The following PPM1H variants were observed in gnomAD, a reference collection of about 807,000 sequenced individuals.
The protein encoded by PPM1H is protein phosphatase 1H.
Under a neutral mutation model 54.9 loss-of-function variants are expected in PPM1H, and 27 were observed. That is an observed-to-expected ratio of 0.49 (90% CI 0.36 to 0.68). The LOEUF is 0.68. Ranked by LOEUF, PPM1H falls within the 30% of genes least tolerant of loss-of-function variation. The probability of loss-of-function intolerance (pLI) is 0.00; values close to 1 mark genes in which losing one functional copy is unlikely to be tolerated. For synonymous variants in PPM1H, 305 were observed against 270.8 expected (o/e 1.13, Z -1.24); for missense variants, 596 against 667.8 (o/e 0.89, Z 1.19).
intron 1 of PPM1H, among the ~76,000 whole-genome samples, chr12:62,913,342 G>C (rs1565827416): frequency 6.6e-6 from 1 of 152,156 alleles, no homozygotes; most frequent in East Asian, 1.9e-4. Context: ...GGATGTGGAA[G>C]ATGCGCACAT....
At chr12:62,670,674 T>C (rs532883122) in intron 8 of PPM1H, among the ~76,000 whole-genome samples, 2 of 152,316 alleles carry the variant, frequency 1.3e-5, no homozygotes, top group African/African-American at 4.8e-5. Context: ...CATCAATAAA[T>C]GTAATCTTTC....
intron 3 of PPM1H, among the ~76,000 whole-genome samples, chr12:62,792,370 A>C (rs2076705575): frequency 6.6e-6 from 1 of 152,170 alleles, no homozygotes; most frequent in Admixed American, 6.5e-5. Flanking sequence ...GTTCAGCTAC[A>C]TTCCCTCTGT....
chr12:62,804,055 C>T (rs2076789204), intron 2 of PPM1H, among the ~76,000 whole-genome samples: 2 of 152,086 alleles, frequency 1.3e-5, no homozygotes, highest in Admixed American at 1.3e-4. Context: ...ACCTTTAGCT[C>T]ATATCATATT....
intron 1 of PPM1H, among the ~76,000 whole-genome samples, chr12:62,914,923 C>T (rs577943648): frequency 6.6e-6 from 1 of 152,300 alleles, no homozygotes; most frequent in East Asian, 1.9e-4. Context: ...TCCAACAAGG[C>T]CTCTTCTCCA....
At chr12:62,688,825 G>C (rs2076068627) in intron 8 of PPM1H, among the ~76,000 whole-genome samples, 1 of 152,068 alleles carries the variant, frequency 6.6e-6, no homozygotes, top group African/African-American at 2.4e-5. Flanking sequence ...GAGAAACCCT[G>C]TCTCTACTAA....
At chr12:62,818,529 C>A (rs2076883633) in intron 2 of PPM1H, among the ~76,000 whole-genome samples, 1 of 150,256 alleles carries the variant, frequency 6.7e-6, no homozygotes, top group African/African-American at 2.4e-5. Flanking sequence ...GAGACAGTCT[C>A]ATGAAAGTGT....
At chr12:62,813,123 C>T (rs2076845055) in intron 2 of PPM1H, among the ~76,000 whole-genome samples, 1 of 152,058 alleles carries the variant, frequency 6.6e-6, no homozygotes, top group African/African-American at 2.4e-5. Flanking sequence ...AGGTTCTAGA[C>T]ATAACCTCAG....
At chr12:62,807,541 T>A (rs904242104) in intron 2 of PPM1H, among the ~76,000 whole-genome samples, 3 of 152,188 alleles carry the variant, frequency 2.0e-5, no homozygotes, top group Non-Finnish European at 2.9e-5. Flanking sequence ...AATCATCAGC[T>A]GAGTGGTGGC....
At chr12:62,888,198 T>G (rs1870659597) in intron 1 of PPM1H, among the ~76,000 whole-genome samples, 2 of 152,080 alleles carry the variant, frequency 1.3e-5, no homozygotes, top group African/African-American at 4.8e-5. Context: ...AGCCTGAGTA[T>G]CCACTTCATC....
chr12:62,699,640 G>A (rs1348525017), intron 6 of PPM1H, among the ~76,000 whole-genome samples: 1 of 152,202 alleles, frequency 6.6e-6, no homozygotes. Flanking sequence ...GATTTAAAAA[G>A]GCTGTCAACA....
At chr12:62,708,457 C>A (rs1264867247) in intron 6 of PPM1H, among the ~76,000 whole-genome samples, 2 of 152,158 alleles carry the variant, frequency 1.3e-5, no homozygotes, top group Admixed American at 6.5e-5. Flanking sequence ...TGCTGGGAAA[C>A]CTGGAGAGCT....
chr12:62,663,872 T>C (rs989276025), intron 9 of PPM1H, among the ~76,000 whole-genome samples: 1 of 151,916 alleles, frequency 6.6e-6, no homozygotes, highest in African/African-American at 2.4e-5. Context: ...ATGCCTGTAA[T>C]CCCAGCTACT....
chr12:62,834,611 A>G (rs1414590526), intron 1 of PPM1H, among the ~76,000 whole-genome samples: 1 of 152,172 alleles, frequency 6.6e-6, no homozygotes, highest in African/African-American at 2.4e-5. Flanking sequence ...ATCTCTGGCT[A>G]TTGGAGGAGT....
At chr12:62,857,397 G>A (rs1403456730) in intron 1 of PPM1H, among the ~76,000 whole-genome samples, 5 of 152,154 alleles carry the variant, frequency 3.3e-5, no homozygotes, top group African/African-American at 7.2e-5. Flanking sequence ...AATGGTGGTT[G>A]TGATCAATGA....
At chr12:62,682,534 C>T (rs1431983169) in intron 8 of PPM1H, among the ~76,000 whole-genome samples, 3 of 152,162 alleles carry the variant, frequency 2.0e-5, no homozygotes, top group Non-Finnish European at 2.9e-5. Flanking sequence ...CAAGGTCTCA[C>T]TCTGTCACCA....
At chr12:62,850,811 CA>C (rs987139443) in intron 1 of PPM1H, 24 of 151,868 alleles carry the variant, frequency 1.6e-4, no homozygotes, top group African/African-American at 5.8e-4. Flanking sequence ...GGGGAAATCA[CA>C]GGGGTCAGCA....
At chr12:62,723,601 A>T (rs2076274877) in intron 5 of PPM1H, among the ~76,000 whole-genome samples, 1 of 152,222 alleles carries the variant, frequency 6.6e-6, no homozygotes, top group Non-Finnish European at 1.5e-5. Flanking sequence ...ATGTGAAAAC[A>T]GAGCAAGAAA....
At position 62,895,235 on chromosome 12, in the gene PPM1H, T is replaced by C. The variant is rs142569789; in HGVS notation, c.245+39257A>G. 3.0e-4 allele frequency among the ~76,000 whole-genome samples: 45 copies of C among 152,326 alleles called. No homozygotes were observed. In the East Asian group the frequency reaches 8.5e-3, roughly 29 times the overall value. On this transcript the variant is annotated intron_variant, in intron 1 of 9. Transcript: ENST00000228705. ...TATAAAAGAGATACTGAATATTTAC[T>C]GAACATAGAAGAGAGGGCAAGCCAA...
At chr12:62,826,870 T>G (rs998255224) in intron 2 of PPM1H, among the ~76,000 whole-genome samples, 2 of 152,186 alleles carry the variant, frequency 1.3e-5, no homozygotes, top group Non-Finnish European at 2.9e-5. Context: ...GTTGTTCCAT[T>G]TTTTGCTTAT....
Sources: gnomAD v4.1 joint callset for allele counts (sites outside exome capture counted in the v4.1 genomes callset) on GRCh38, gnomAD v4.1.1 for gene constraint, MANE v1.5 for transcripts, NCBI Gene and HGNC (gene_info 2026-07-23, HGNC 2026-07-21) for gene names.